Variants in IQSEC3 observed in about 807,000 individuals in gnomAD.
The protein encoded by IQSEC3 is IQ motif and SEC7 domain-containing protein 3.
A neutral mutation model predicts 105.4 loss-of-function variants in IQSEC3; 50 were observed. That is an observed-to-expected ratio of 0.47 (90% CI 0.38 to 0.60). The LOEUF (loss-of-function observed/expected upper bound fraction) is 0.60. IQSEC3 is among the 20% of genes least tolerant of loss of function. The pLI, the probability that IQSEC3 is intolerant of heterozygous loss-of-function variation, is 0.00. For synonymous variants in IQSEC3, 708 were observed against 746.0 expected, an observed-to-expected ratio of 0.95 and a Z score of 0.83; for missense variants, 1,415 against 1,630.0, an observed-to-expected ratio of 0.87 and a Z score of 2.27.
chr12:88,856 T>C (rs868923432), intron 1 of IQSEC3, among the ~76,000 whole-genome samples: 3 of 152,100 alleles, frequency 2.0e-5, no homozygotes, highest in Non-Finnish European at 4.4e-5. Context: ...TGAAAGAGAA[T>C]TGTGGTTGCT....
At chr12:141,069 AGT>A in intron 4 of IQSEC3, 53 bp from the exon 5 acceptor site, 3 of 1,520,194 alleles carry the variant, frequency 2.0e-6, no homozygotes, top group African/African-American at 2.7e-5. Context: ...GGGAGGAAAG[AGT>A]CATGGATGGC....
chr12:121,603 G>A (rs959342950), intron 2 of IQSEC3, among the ~76,000 whole-genome samples: 3 of 152,220 alleles, frequency 2.0e-5, no homozygotes, highest in African/African-American at 4.8e-5. Flanking sequence ...GAAGCCTCCA[G>A]AAAGCCTGTC....
At chr12:90,710 T>C (rs1430711719) in intron 1 of IQSEC3, among the ~76,000 whole-genome samples, 3 of 152,198 alleles carry the variant, frequency 2.0e-5, no homozygotes, top group Admixed American at 2.0e-4. Flanking sequence ...TGCACCATCT[T>C]AATTATGGTA....
intron 1 of IQSEC3, among the ~76,000 whole-genome samples, chr12:81,740 T>G (rs552074649): frequency 2.0e-5 from 3 of 152,092 alleles, no homozygotes; most frequent in Non-Finnish European, 4.4e-5. Flanking sequence ...GCCTTGAGAC[T>G]GGGCCACGCC....
chr12:166,039 G>A (rs111812836), intron 11 of IQSEC3, 149 bp downstream of exon 11: 3 of 782,502 alleles, frequency 3.8e-6, no homozygotes, highest in South Asian at 3.7e-5. Flanking sequence ...CACTCCCACA[G>A]CCCGGGTGGG....
chr12:95,990 G>C (rs990202830), intron 1 of IQSEC3, among the ~76,000 whole-genome samples: 3 of 152,260 alleles, frequency 2.0e-5, no homozygotes, highest in South Asian at 4.1e-4. Context: ...GATTTATTCT[G>C]AGCCAAATAG....
chr12:153,917 A>C (rs3847945), intron 5 of IQSEC3, among the ~76,000 whole-genome samples: 148,726 of 152,240 alleles, frequency 0.98, 72,735 homozygotes, highest in East Asian at 1. Flanking sequence ...GATTCCCAGG[A>C]CTTGCCCCCA....
At chr12:160,931 A>T (rs1866866855) in intron 7 of IQSEC3, among the ~76,000 whole-genome samples, 2 of 152,200 alleles carry the variant, frequency 1.3e-5, no homozygotes, top group African/African-American at 4.8e-5. Context: ...ATTCAGAAGC[A>T]GCAGAGGCAT....
chr12:97,776 C>G (rs1864284747), intron 1 of IQSEC3, among the ~76,000 whole-genome samples: 1 of 152,180 alleles, frequency 6.6e-6, no homozygotes, highest in African/African-American at 2.4e-5. Context: ...CCAGCCTGGG[C>G]AACACAGCAA....
rs114366694 is a variant in IQSEC3, at chr12:172,037, T to C, written c.3114+876T>C. On this transcript the variant is annotated intron_variant, in intron 13 of 13. Transcript: ENST00000538872. ...GCACCCCAGTGAGTCCCAGCTCCACTCCTTTTCTGCCCGGCCTCCCGGGGC... is the reference window on the plus strand; with the variant it reads ...GCACCCCAGTGAGTCCCAGCTCCACCCCTTTTCTGCCCGGCCTCCCGGGGC... Among the ~76,000 whole-genome samples the C allele has an allele frequency of 3.0e-3, 462 of 151,992 alleles. 5 individuals are homozygous for C. The highest frequency in any genetic ancestry group is 0.01 in the African/African-American group (433 of 41,434).
At chr12:135,793 T>C (rs1362083396) in intron 3 of IQSEC3, among the ~76,000 whole-genome samples, 3 of 152,206 alleles carry the variant, frequency 2.0e-5, no homozygotes, top group African/African-American at 7.2e-5. Context: ...GCCTAAGTCC[T>C]GTGATTACAA....
intron 4 of IQSEC3, 68 bp downstream of exon 4, chr12:139,422 C>CT: frequency 1.5e-6 from 2 of 1,316,024 alleles, no homozygotes; most frequent in South Asian, 1.5e-5. Flanking sequence ...AGGAGGGCAC[C>CT]TTCCCTCCAC....
chr12:106,373 A>G (rs1864651580), intron 2 of IQSEC3, among the ~76,000 whole-genome samples: 1 of 152,234 alleles, frequency 6.6e-6, no homozygotes, highest in African/African-American at 2.4e-5. Context: ...CCCCAGCCAC[A>G]GCCAGCGGGT....
At chr12:69,625 T>C (rs182954342) in intron 1 of IQSEC3, among the ~76,000 whole-genome samples, 50 of 152,368 alleles carry the variant, frequency 3.3e-4, no homozygotes, top group Admixed American at 1.3e-3. Flanking sequence ...CTCAGAAACA[T>C]AGAGACCATA....
intron 7 of IQSEC3, among the ~76,000 whole-genome samples, chr12:161,697 G>A (rs1866896966): frequency 6.6e-6 from 1 of 152,168 alleles, no homozygotes; most frequent in Non-Finnish European, 1.5e-5. Context: ...AACATCAGGA[G>A]GTGAGGCAGG....
intron 12 of IQSEC3, among the ~76,000 whole-genome samples, chr12:170,428 C>T (rs1938922416): frequency 6.6e-6 from 1 of 152,246 alleles, no homozygotes; most frequent in Non-Finnish European, 1.5e-5. Flanking sequence ...AATGGTGCAG[C>T]TCCCTCTCCT....
chr12:103,687 GTA>G (rs1864522402), intron 2 of IQSEC3, among the ~76,000 whole-genome samples: 1 of 32,178 alleles, frequency 3.1e-5, no homozygotes, highest in African/African-American at 2.1e-4. Flanking sequence ...GGGCTCAGGG[GTA>G]GGTGGGGGCT....
intron 1 of IQSEC3, among the ~76,000 whole-genome samples, chr12:83,872 C>T (rs1863832347): frequency 6.6e-6 from 1 of 152,164 alleles, no homozygotes; most frequent in African/African-American, 2.4e-5. Context: ...CCTCCACTTA[C>T]TTGATTTCTG....
At chr12:110,189 C>A (rs1864832975) in intron 2 of IQSEC3, among the ~76,000 whole-genome samples, 1 of 152,078 alleles carries the variant, frequency 6.6e-6, no homozygotes, top group Non-Finnish European at 1.5e-5. Flanking sequence ...TCCAGTTTCT[C>A]TTTTCTTTCT....
Sources: allele counts gnomAD v4.1 joint callset (sites outside exome capture counted in the v4.1 genomes callset), GRCh38; gene constraint gnomAD v4.1.1; transcripts MANE v1.5; gene names NCBI Gene and HGNC (gene_info 2026-07-23, HGNC 2026-07-21).